GRM7: variants seen among roughly 807,000 people sequenced by gnomAD.
GRM7 encodes metabotropic glutamate receptor 7.
In GRM7, 35 loss-of-function variants were observed where a neutral mutation model predicts 84.5. That is an observed-to-expected ratio of 0.41 (90% confidence interval 0.32 to 0.55). GRM7 has a LOEUF of 0.55. Ranked by LOEUF, GRM7 falls within the 20% of genes least tolerant of loss-of-function variation. The probability of loss-of-function intolerance (pLI) is 0.19; values close to 1 mark genes in which losing one functional copy is unlikely to be tolerated. For synonymous variants in GRM7, 487 were observed against 455.1 expected, an observed-to-expected ratio of 1.07 and a Z score of -0.89; for missense variants, 1,003 against 1,194.6, an observed-to-expected ratio of 0.84 and a Z score of 2.36.
At chr3:6,935,082 A>G (rs1381431573) in intron 1 of GRM7, among the ~76,000 whole-genome samples, 1 of 152,222 alleles carries the variant, frequency 6.6e-6, no homozygotes, top group Non-Finnish European at 1.5e-5. Context: ...ACCCTAGAAC[A>G]AACATGAAAA....
chr3:7,138,519 G>A (rs1693842671), intron 1 of GRM7, among the ~76,000 whole-genome samples: 2 of 151,844 alleles, frequency 1.3e-5, no homozygotes, highest in Admixed American at 1.3e-4. Flanking sequence ...CTTTATTTAA[G>A]CAAAGAAGAG....
chr3:6,963,716 T>G (rs1172994274), intron 1 of GRM7, among the ~76,000 whole-genome samples: 5 of 152,216 alleles, frequency 3.3e-5, no homozygotes, highest in Non-Finnish European at 5.9e-5. Flanking sequence ...ATGTGGGTCA[T>G]AGTTTAATTG....
chr3:6,889,651 T>C (rs150748981), intron 1 of GRM7, among the ~76,000 whole-genome samples: 17,775 of 152,160 alleles, frequency 0.12, 1,144 homozygotes, highest in East Asian at 0.19. Flanking sequence ...TTATTGAGGA[T>C]TTTTGCATCA....
chr3:7,431,135 G>A (rs764555380), intron 5 of GRM7, among the ~76,000 whole-genome samples: 2 of 152,002 alleles, frequency 1.3e-5, no homozygotes, highest in Admixed American at 6.6e-5. Flanking sequence ...CTTGACACAC[G>A]TACCCCAAAC....
chr3:7,322,748 T>C (rs777137493), intron 4 of GRM7, among the ~76,000 whole-genome samples: 4 of 152,118 alleles, frequency 2.6e-5, no homozygotes. Flanking sequence ...TTCCTTTTTA[T>C]GGCTGAGTAG....
chr3:6,937,164 G>T (rs566480912), intron 1 of GRM7, among the ~76,000 whole-genome samples: 1 of 152,296 alleles, frequency 6.6e-6, no homozygotes, highest in Non-Finnish European at 1.5e-5. Context: ...ACTGAAACAA[G>T]ATTTGAGAAT....
chr3:7,410,090 C>G (rs1695860972), intron 4 of GRM7, among the ~76,000 whole-genome samples: 1 of 152,040 alleles, frequency 6.6e-6, no homozygotes, highest in Non-Finnish European at 1.5e-5. Flanking sequence ...GAAATGTAGC[C>G]TAGGTTAAAG....
At chr3:7,719,107 G>A (rs965237283) in intron 9 of GRM7, among the ~76,000 whole-genome samples, 3 of 152,138 alleles carry the variant, frequency 2.0e-5, no homozygotes, top group African/African-American at 7.2e-5. Flanking sequence ...CAAGGGTATG[G>A]TGACTACCCC....
intron 4 of GRM7, among the ~76,000 whole-genome samples, chr3:7,359,709 G>A (rs759498166): frequency 6.8e-6 from 1 of 147,936 alleles, no homozygotes; most frequent in Non-Finnish European, 1.5e-5. Context: ...TTGTGATCCA[G>A]TGTTTTAAAG....
At chr3:7,465,021 T>G (rs1380908740) in intron 7 of GRM7, among the ~76,000 whole-genome samples, 1 of 152,072 alleles carries the variant, frequency 6.6e-6, no homozygotes, top group African/African-American at 2.4e-5. Flanking sequence ...ACAATTCCAT[T>G]CCGTCTACTC....
chr3:7,341,640 T>C (rs1050910183), intron 4 of GRM7, among the ~76,000 whole-genome samples: 1 of 152,128 alleles, frequency 6.6e-6, no homozygotes, highest in African/African-American at 2.4e-5. Flanking sequence ...AAAGTCTTTT[T>C]GTCTTTTTAA....
At chr3:7,438,455 G>C (rs554661079) in intron 5 of GRM7, among the ~76,000 whole-genome samples, 6 of 152,032 alleles carry the variant, frequency 3.9e-5, no homozygotes, top group Admixed American at 3.9e-4. Context: ...TCATTCAAAA[G>C]GAATTACTTA....
intron 1 of GRM7, among the ~76,000 whole-genome samples, chr3:6,897,082 G>C (rs940100953): frequency 2.6e-5 from 4 of 152,170 alleles, no homozygotes; most frequent in African/African-American, 9.7e-5. Context: ...GATACTGGCT[G>C]AATTGAATTA....
intron 4 of GRM7, among the ~76,000 whole-genome samples, chr3:7,356,920 TCACACACA>T (rs34481316): frequency 7.4e-4 from 97 of 131,274 alleles, no homozygotes; most frequent in Admixed American, 8.6e-4. Flanking sequence ...GCCTTTTTGA[TCACACACA>T]CACACACACA....
intron 1 of GRM7, among the ~76,000 whole-genome samples, chr3:7,139,087 T>C (rs1693862386): frequency 6.8e-6 from 1 of 147,646 alleles, no homozygotes; most frequent in African/African-American, 2.5e-5. Flanking sequence ...TATAATGTAC[T>C]ATATTATACT....
chr3:6,962,099 C>T (rs554375187), intron 1 of GRM7, among the ~76,000 whole-genome samples: 2 of 152,302 alleles, frequency 1.3e-5, no homozygotes, highest in East Asian at 1.9e-4. Flanking sequence ...GGTACGTCCT[C>T]ATTCATTACC....
intron 7 of GRM7, chr3:7,559,148 T>C (rs1195221377): frequency 7.0e-6 from 1 of 142,072 alleles, no homozygotes; most frequent in Non-Finnish European, 1.5e-5. Context: ...TTTTTTTTTT[T>C]CATTGAAATG....
At chr3:7,313,849 G>A (rs1700491274) in intron 4 of GRM7, among the ~76,000 whole-genome samples, 1 of 151,980 alleles carries the variant, frequency 6.6e-6, no homozygotes, top group Non-Finnish European at 1.5e-5. Flanking sequence ...ATAAACTAAC[G>A]AATGCTCTTA....
chr3:7,117,777 G>A (rs1393360010), intron 1 of GRM7, among the ~76,000 whole-genome samples: 3 of 152,218 alleles, frequency 2.0e-5, no homozygotes, highest in African/African-American at 7.2e-5. Flanking sequence ...ATTGTAAGAT[G>A]TGGCAGTAGT....
Sources: allele counts gnomAD v4.1 joint callset (sites outside exome capture counted in the v4.1 genomes callset), GRCh38; gene constraint gnomAD v4.1.1; transcripts MANE v1.5; gene names NCBI Gene and HGNC (gene_info 2026-07-23, HGNC 2026-07-21).